The following SORCS2 variants were observed in gnomAD, a reference collection of about 807,000 sequenced individuals.
The protein encoded by SORCS2 is VPS10 domain-containing receptor SorCS2.
SORCS2 carries 100 observed loss-of-function variants against 141.6 expected under a neutral mutation model. The observed-to-expected ratio is 0.71, with a 90% CI of 0.60 to 0.83. The LOEUF (loss-of-function observed/expected upper bound fraction) is 0.83. Ranked by LOEUF, SORCS2 falls within the 40% of genes least tolerant of loss-of-function variation. SORCS2 has a pLI of 0.00. For missense variants in SORCS2, 1,646 were observed against 1,560.2 expected (o/e 1.05, Z -0.93); for synonymous variants, 789 against 676.9 (o/e 1.17, Z -2.57).
chr4:7,384,231 C>G (rs3905840), intron 1 of SORCS2, among the ~76,000 whole-genome samples: 18,682 of 152,242 alleles, frequency 0.12, 1,902 homozygotes, highest in African/African-American at 0.28. Context: ...GGTAATGCCT[C>G]TCGGTGCCTC....
chr4:7,414,558 C>G (rs991557225), intron 2 of SORCS2, among the ~76,000 whole-genome samples: 1 of 152,042 alleles, frequency 6.6e-6, no homozygotes, highest in Admixed American at 6.6e-5. Flanking sequence ...ATTCTCTCGG[C>G]CACGAGGAAG....
rs190695399 is a variant in SORCS2 at position 7,574,118 on chromosome 4, G to T, written c.648+42489G>T. Among the ~76,000 whole-genome samples, 76 of 152,360 alleles carry T rather than the reference G, an allele frequency of 5.0e-4. 1 individual carries two copies. Among genetic ancestry groups the T allele is most frequent in the Admixed American group, 2.7e-3 (42 of 15,312 alleles). On this transcript the variant is annotated intron_variant, in intron 3 of 26. Transcript: ENST00000507866. The stretch of plus-strand genomic sequence containing the variant: ...TGTCATTTTAGAAATTGCCTTATTT[G>T]TATGTTTCCTTGTTCTCAGTCAGTT...
chr4:7,234,545 C>T (rs1223422570), intron 1 of SORCS2, among the ~76,000 whole-genome samples: 1 of 152,202 alleles, frequency 6.6e-6, no homozygotes, highest in African/African-American at 2.4e-5. Flanking sequence ...TAGCCCAGGG[C>T]TGGGAGGCTG....
intron 1 of SORCS2, among the ~76,000 whole-genome samples, chr4:7,261,626 A>G (rs543747489): frequency 2.0e-5 from 3 of 152,380 alleles, no homozygotes; most frequent in East Asian, 1.9e-4. Context: ...CATTTAATAA[A>G]TTCAGTTATT....
intron 1 of SORCS2, among the ~76,000 whole-genome samples, chr4:7,299,249 G>A (rs1307173615): frequency 6.6e-6 from 1 of 152,280 alleles, no homozygotes; most frequent in Admixed American, 6.5e-5. Flanking sequence ...GTGAGCGGGT[G>A]TGGAATGCGT....
chr4:7,693,659 G>A (rs942375483), intron 11 of SORCS2, among the ~76,000 whole-genome samples: 6 of 152,254 alleles, frequency 3.9e-5, no homozygotes, highest in South Asian at 2.1e-4. Context: ...GGTGATGGTA[G>A]CATTTAGCCA....
At chr4:7,249,245 G>T (rs1312748451) in intron 1 of SORCS2, among the ~76,000 whole-genome samples, 1 of 152,142 alleles carries the variant, frequency 6.6e-6, no homozygotes, top group East Asian at 1.9e-4. Context: ...TTAAGTACCT[G>T]GGCTGGAATG....
At chr4:7,478,090 G>A (rs941114248) in intron 2 of SORCS2, among the ~76,000 whole-genome samples, 2 of 152,198 alleles carry the variant, frequency 1.3e-5, no homozygotes, top group African/African-American at 4.8e-5. Flanking sequence ...GTGGCAAAGG[G>A]ACAGTGTGTT....
intron 1 of SORCS2, among the ~76,000 whole-genome samples, chr4:7,383,070 C>T (rs1443557629): frequency 6.6e-6 from 1 of 152,072 alleles, no homozygotes; most frequent in Non-Finnish European, 1.5e-5. Context: ...CGCTTCGATC[C>T]CACGGAGTCC....
intron 4 of SORCS2, among the ~76,000 whole-genome samples, chr4:7,653,213 C>A (rs1012146212): frequency 3.3e-5 from 5 of 152,236 alleles, no homozygotes; most frequent in African/African-American, 1.2e-4. Context: ...CTCTTGCCCC[C>A]TCAGCCTTCA....
chr4:7,659,179 G>A (rs913168361), intron 5 of SORCS2, among the ~76,000 whole-genome samples: 4 of 151,930 alleles, frequency 2.6e-5, no homozygotes, highest in African/African-American at 4.8e-5. Flanking sequence ...GTAGATGACA[G>A]TTCAGTGGGC....
At chr4:7,448,690 C>A (rs1458188964) in intron 2 of SORCS2, among the ~76,000 whole-genome samples, 1 of 142,164 alleles carries the variant, frequency 7.0e-6, no homozygotes, top group Non-Finnish European at 1.5e-5. Context: ...CCCTTCCTTC[C>A]TCTCTCTGCC....
At chr4:7,528,408 T>G (rs1258292772) in intron 2 of SORCS2, among the ~76,000 whole-genome samples, 1 of 150,286 alleles carries the variant, frequency 6.7e-6, no homozygotes, top group Non-Finnish European at 1.5e-5. Flanking sequence ...CTACGTTTTT[T>G]TTTTTGTTGT....
At chr4:7,650,446 T>G (rs1450836417) in intron 4 of SORCS2, among the ~76,000 whole-genome samples, 1 of 152,106 alleles carries the variant, frequency 6.6e-6, no homozygotes, top group African/African-American at 2.4e-5. Flanking sequence ...GAGGCCAGAT[T>G]CCCATTTTAA....
intron 2 of SORCS2, among the ~76,000 whole-genome samples, chr4:7,531,162 A>G (rs534254454): frequency 3.3e-4 from 51 of 152,350 alleles, no homozygotes; most frequent in Non-Finnish European, 6.0e-4. Flanking sequence ...CAGGCAGTGA[A>G]CTATCCCTTT....
intron 4 of SORCS2, among the ~76,000 whole-genome samples, chr4:7,649,011 C>T (rs1268984397): frequency 1.3e-5 from 2 of 152,010 alleles, no homozygotes; most frequent in South Asian, 2.1e-4. Context: ...GTGTGGCGGA[C>T]GAAGGCACTG....
intron 2 of SORCS2, among the ~76,000 whole-genome samples, chr4:7,444,615 C>A (rs994525420): frequency 6.6e-6 from 1 of 152,146 alleles, no homozygotes; most frequent in Non-Finnish European, 1.5e-5. Flanking sequence ...GACTCTGCTT[C>A]TTCCTCTGAG....
intron 1 of SORCS2, among the ~76,000 whole-genome samples, chr4:7,302,977 C>T (rs926152065): frequency 2.6e-5 from 4 of 152,168 alleles, no homozygotes; most frequent in South Asian, 2.1e-4. Flanking sequence ...AGCCAAGCGG[C>T]GATTTCACCT....
At chr4:7,640,840 A>G (rs915646165) in intron 4 of SORCS2, among the ~76,000 whole-genome samples, 1 of 152,154 alleles carries the variant, frequency 6.6e-6, no homozygotes, top group African/African-American at 2.4e-5. Context: ...GTGGCTGGTC[A>G]GGGAACGAGA....
Sources: allele counts gnomAD v4.1 joint callset (sites outside exome capture counted in the v4.1 genomes callset), GRCh38; gene constraint gnomAD v4.1.1; transcripts MANE v1.5; gene names NCBI Gene and HGNC (gene_info 2026-07-23, HGNC 2026-07-21).